The following SLC36A4 variants were observed in gnomAD, a reference collection of about 807,000 sequenced individuals.
The protein encoded by SLC36A4 is neutral amino acid uniporter 4.
A neutral mutation model predicts 50.5 loss-of-function variants in SLC36A4; 49 were observed. The ratio of observed to expected loss-of-function variants is 0.97; its 90% CI spans 0.77 to 1.23. The LOEUF (loss-of-function observed/expected upper bound fraction) is 1.23, where lower values mean the gene tolerates loss of function less well. SLC36A4 is among the 50% of genes most tolerant of loss of function. SLC36A4 has a pLI of 0.00. For synonymous variants in SLC36A4, 207 were observed against 206.5 expected (o/e 1.00, Z -0.02); for missense variants, 611 against 608.4 (o/e 1.00, Z -0.05).
intron 8 of SLC36A4, 89 bp from the exon 9 acceptor site, chr11:93,162,964 A>T: frequency 3.4e-6 from 4 of 1,191,684 alleles, no homozygotes; most frequent in Non-Finnish European, 4.7e-6. Context: ...GGTTGTTTAT[A>T]GCCTATATGC....
intron 6 of SLC36A4, among the ~76,000 whole-genome samples, chr11:93,169,467 A>G (rs1861034546): frequency 6.6e-6 from 1 of 152,148 alleles, no homozygotes; most frequent in Non-Finnish European, 1.5e-5. Flanking sequence ...GTAGTAATTA[A>G]GAGGCCAACA....
chr11:93,187,517 A>G (rs879808222), intron 1 of SLC36A4, among the ~76,000 whole-genome samples: 9 of 152,018 alleles, frequency 5.9e-5, no homozygotes, highest in Non-Finnish European at 1.2e-4. Flanking sequence ...GACCCTTCTG[A>G]TGTCTGTCTT....
intron 6 of SLC36A4, among the ~76,000 whole-genome samples, chr11:93,169,136 A>G (rs1298619028): frequency 6.6e-6 from 1 of 152,062 alleles, no homozygotes; most frequent in African/African-American, 2.4e-5. Flanking sequence ...CCTTGTAATA[A>G]TAATAGCTAG....
At chr11:93,169,168 G>C (rs1861019288) in intron 6 of SLC36A4, among the ~76,000 whole-genome samples, 2 of 152,146 alleles carry the variant, frequency 1.3e-5, no homozygotes, top group South Asian at 2.1e-4. Context: ...TAATTTCTTT[G>C]TATCAGGTAC....
At chr11:93,166,395 C>A in intron 7 of SLC36A4, 2 of 993,052 alleles carry the variant, frequency 2.0e-6, no homozygotes, top group African/African-American at 1.7e-5. Context: ...CTGCTGGTGC[C>A]TAGCAGAAAT....
intron 10 of SLC36A4, among the ~76,000 whole-genome samples, chr11:93,149,243 C>T (rs1859966790): frequency 1.3e-5 from 2 of 151,968 alleles, no homozygotes; most frequent in South Asian, 4.1e-4. Flanking sequence ...ATAGCTATTC[C>T]TTAAAGTAGA....
intron 10 of SLC36A4, among the ~76,000 whole-genome samples, chr11:93,150,676 G>A (rs140237302): frequency 1.2e-3 from 190 of 152,112 alleles, no homozygotes; most frequent in African/African-American, 3.7e-3. Flanking sequence ...TAGATTATTC[G>A]TCTAATAGAT....
chr11:93,163,098 GT>G (rs930909765), intron 8 of SLC36A4, among the ~76,000 whole-genome samples: 14 of 148,800 alleles, frequency 9.4e-5, no homozygotes, highest in African/African-American at 2.2e-4. Context: ...AAACCTGTTA[GT>G]TTTTTTTTTA....
intron 6 of SLC36A4, among the ~76,000 whole-genome samples, chr11:93,175,865 C>T (rs1387049392): frequency 3.8e-5 from 3 of 79,568 alleles, no homozygotes; most frequent in Non-Finnish European, 7.2e-5. Flanking sequence ...GCTTTACTTC[C>T]AACTATGTGG....
At chr11:93,153,502 A>G (rs1335941681) in intron 10 of SLC36A4, among the ~76,000 whole-genome samples, 1 of 152,058 alleles carries the variant, frequency 6.6e-6, no homozygotes, top group Non-Finnish European at 1.5e-5. Context: ...GATAGGCTTG[A>G]CTTTGAATTC....
Position 93,146,203 on chromosome 11 carries a change from T to G in SLC36A4, c.*2334A>C, listed in dbSNP as rs1420175785. The G allele has an allele frequency of 6.6e-6, 1 of 152,038 alleles. No homozygotes were observed. Among genetic ancestry groups the G allele is most frequent in the Non-Finnish European group, 1.5e-5 (1 of 67,942 alleles). 9.4% of individuals were successfully genotyped at this position (152,038 alleles called of 1,614,324 possible). ...CAATTTTATTCAAATTTCATTGCAT[T>G]TGATGAATTCCTTAAGGAAAATAAA... On this transcript the variant is annotated 3_prime_UTR_variant, in exon 11 of 11. Transcript: ENST00000326402.
rs569842599 is a variant in SLC36A4 at position 93,183,736 on chromosome 11, C to T, written c.270+694G>A. Among the ~76,000 whole-genome samples the T allele has an allele frequency of 4.0e-5, 6 of 151,142 alleles. No homozygotes were observed. The South Asian group carries it at 1.3e-3, about 32-fold the overall frequency. ...TTTTTGAGACAGAGTCTTGCTCTGT[C>T]GCCCAGGCTGGAGTGCAGTGGCGCA... On this transcript the variant is annotated intron_variant, in intron 3 of 10. Transcript: ENST00000326402.
chr11:93,197,887 G>T lies in SLC36A4; in HGVS notation c.-55C>A. On this transcript the variant is annotated 5_prime_UTR_variant, in exon 1 of 11. Coordinates refer to ENST00000326402, the MANE Select transcript of SLC36A4 (RefSeq NM_152313.4). ...CGAGTGCTCACTCTCCCGCCGCTGC[G>T]TGGCCGGCGTCAGGCCCAGGCCTAC... is the stretch of plus-strand genomic sequence containing the variant. 3 of 1,492,984 alleles carry T rather than the reference G, an allele frequency of 2.0e-6. No individual in the cohort carries two copies. Among genetic ancestry groups the T allele is most frequent in the Non-Finnish European group, 2.7e-6 (3 of 1,125,676 alleles). The allele number at this position is 1,492,984 out of a possible 1,614,324, so 92.5% of individuals were successfully genotyped here. A position where few individuals can be genotyped will look rare whatever the true frequency, so the allele number is the denominator to read the frequency against.
intron 6 of SLC36A4, among the ~76,000 whole-genome samples, chr11:93,174,414 C>G (rs1047590180): frequency 1.9e-4 from 28 of 149,750 alleles, no homozygotes; most frequent in African/African-American, 5.9e-4. Context: ...TTGACTTCCT[C>G]TTTTCCTAAT....
chr11:93,196,989 A>C (rs555448092), intron 1 of SLC36A4, among the ~76,000 whole-genome samples: 2 of 152,366 alleles, frequency 1.3e-5, no homozygotes, highest in African/African-American at 4.8e-5. Flanking sequence ...ATTCCATTGC[A>C]AAGTGCCCTG....
At position 93,146,267 on chromosome 11, in the gene SLC36A4, A is replaced by C. The variant is rs983660754; in HGVS notation, c.*2270T>G. Reference sequence around the variant, plus strand: ...TGTAAAAATTAAATAACATACATAGACTAGAAATATTATCTGAAAACAGGT... The same window carrying C: ...TGTAAAAATTAAATAACATACATAGCCTAGAAATATTATCTGAAAACAGGT... On this transcript the variant is annotated 3_prime_UTR_variant, in exon 11 of 11. Coordinates refer to ENST00000326402, the MANE Select transcript of SLC36A4 (RefSeq NM_152313.4). 1.2e-4 allele frequency: 19 copies of C among 152,012 alleles called. No homozygotes were observed. Among genetic ancestry groups the C allele is most frequent in the Admixed American group, 4.6e-4 (7 of 15,230 alleles). 9.4% of individuals were successfully genotyped at this position (152,012 alleles called of 1,614,324 possible).
chr11:93,188,680 A>G (rs1205443564), intron 1 of SLC36A4, among the ~76,000 whole-genome samples: 1 of 152,000 alleles, frequency 6.6e-6, no homozygotes, highest in East Asian at 1.9e-4. Context: ...TCTCACATTT[A>G]CTCTAGAAAT....
At chr11:93,171,176 T>A (rs573809523) in intron 6 of SLC36A4, 1 of 152,180 alleles carries the variant, frequency 6.6e-6, no homozygotes, top group East Asian at 1.9e-4. Flanking sequence ...TACCTTTCTA[T>A]CTACAGCAGG....
chr11:93,170,115 A>G (rs1342978839), intron 6 of SLC36A4: 1 of 152,100 alleles, frequency 6.6e-6, no homozygotes, highest in African/African-American at 2.4e-5. Context: ...ACATACCTAG[A>G]GCAAGATTCA....
Sources: gnomAD v4.1 joint callset for allele counts (sites outside exome capture counted in the v4.1 genomes callset) on GRCh38, gnomAD v4.1.1 for gene constraint, MANE v1.5 for transcripts, NCBI Gene and HGNC (gene_info 2026-07-23, HGNC 2026-07-21) for gene names.